Variants in PID1 observed in about 807,000 individuals in gnomAD.
The protein encoded by PID1 is phosphotyrosine interaction domain containing 1.
PID1 carries 10 observed loss-of-function variants against 19.1 expected under a neutral mutation model. That is an observed-to-expected ratio of 0.52 (90% CI 0.32 to 0.89). The LOEUF (loss-of-function observed/expected upper bound fraction) is 0.89, where lower values mean the gene tolerates loss of function less well. Ranked by LOEUF, PID1 falls within the 40% of genes least tolerant of loss-of-function variation. The pLI, the probability that PID1 is intolerant of heterozygous loss-of-function variation, is 0.03. For missense variants in PID1, 248 were observed against 285.3 expected, an observed-to-expected ratio of 0.87 and a Z score of 0.94; for synonymous variants, 130 against 116.0, an observed-to-expected ratio of 1.12 and a Z score of -0.78.
At chr2:229,100,328 C>T (rs369034389) in intron 2 of PID1, among the ~76,000 whole-genome samples, 15 of 152,302 alleles carry the variant, frequency 9.8e-5, no homozygotes, top group African/African-American at 3.4e-4. Context: ...TATACATTAA[C>T]ATTTTAATTC....
At position 229,155,835 on chromosome 2, in the gene PID1, T is replaced by C. The variant is rs747732576; in HGVS notation, c.160A>G (p.Thr54Ala). 2.5e-6 allele frequency: 4 copies of C among 1,612,728 alleles called. No individual in the cohort carries two copies. In the African/African-American group the frequency reaches 5.3e-5, roughly 22 times the overall value. The change falls in exon 2 of 3, where the codon ACT becomes GCT. Residue 54 changes from threonine to alanine, a missense_variant. By Grantham distance (58) the Thr-to-Ala change is moderately conservative. Transcript: ENST00000392055. ...CTTTPLMKTR[T>A]HSGCKVTYLG... ...CCCCATACCTTGCAGCCACTGTGAG[T>C]CCTTGTCTTCATCAGCGGTGTGGTC...
At chr2:229,270,901 C>T in intron 1 of PID1, 113 bp downstream of exon 1, 14 of 934,032 alleles carry the variant, frequency 1.5e-5, no homozygotes, top group Non-Finnish European at 2.0e-5. Flanking sequence ...ATCGATGCGT[C>T]TTACAAGATG....
At chr2:229,116,040 G>A (rs944532396) in intron 2 of PID1, among the ~76,000 whole-genome samples, 3 of 152,070 alleles carry the variant, frequency 2.0e-5, no homozygotes, top group Admixed American at 6.6e-5. Context: ...TGGCTAACAC[G>A]GTAAAACCCC....
chr2:229,199,353 A>G (rs1332445747), intron 1 of PID1, among the ~76,000 whole-genome samples: 1 of 151,950 alleles, frequency 6.6e-6, no homozygotes, highest in East Asian at 1.9e-4. Flanking sequence ...TTTTGTTGGT[A>G]TATTTATTGT....
At chr2:229,052,786 A>G (rs961382337) in intron 2 of PID1, among the ~76,000 whole-genome samples, 1 of 152,204 alleles carries the variant, frequency 6.6e-6, no homozygotes, top group African/African-American at 2.4e-5. Flanking sequence ...AAGGTATTCA[A>G]TAACCATTTC....
chr2:229,155,751 G>T, intron 2 of PID1, 67 bp downstream of exon 2: 1 of 1,375,082 alleles, frequency 7.3e-7, no homozygotes, highest in Non-Finnish European at 1.0e-6. Flanking sequence ...TGAAACATAG[G>T]TCTCAAGCCC....
chr2:229,258,605 G>T (rs1005028210), intron 1 of PID1, among the ~76,000 whole-genome samples: 1 of 152,162 alleles, frequency 6.6e-6, no homozygotes, highest in African/African-American at 2.4e-5. Flanking sequence ...TGCACAATTT[G>T]ATTTGTTTTC....
intron 1 of PID1, among the ~76,000 whole-genome samples, chr2:229,157,345 G>A (rs549444317): frequency 2.6e-5 from 4 of 151,442 alleles, no homozygotes; most frequent in South Asian, 2.1e-4. Flanking sequence ...CAGGAGAATC[G>A]CTTGAACCTG....
chr2:229,121,621 C>T (rs376818988), intron 2 of PID1, among the ~76,000 whole-genome samples: 56 of 152,272 alleles, frequency 3.7e-4, no homozygotes, highest in African/African-American at 1.3e-3. Flanking sequence ...TGACTAACTA[C>T]TATTGGAAAA....
intron 2 of PID1, among the ~76,000 whole-genome samples, chr2:229,114,900 C>G (rs2106152724): frequency 6.6e-6 from 1 of 152,310 alleles, no homozygotes; most frequent in East Asian, 1.9e-4. Context: ...TATCCTGACT[C>G]TTAGTCAATG....
chr2:229,133,920 C>T (rs1689800591), intron 2 of PID1, among the ~76,000 whole-genome samples: 1 of 152,030 alleles, frequency 6.6e-6, no homozygotes, highest in South Asian at 2.1e-4. Flanking sequence ...TCTCCTAATG[C>T]TATCCCTCCC....
chr2:229,187,772 C>T (rs760807718), intron 1 of PID1, among the ~76,000 whole-genome samples: 1 of 152,180 alleles, frequency 6.6e-6, no homozygotes, highest in African/African-American at 2.4e-5. Context: ...CGAATCCACA[C>T]CTCCTAATCT....
At chr2:229,161,240 C>T (rs144128254) in intron 1 of PID1, among the ~76,000 whole-genome samples, 10 of 152,170 alleles carry the variant, frequency 6.6e-5, no homozygotes, top group Admixed American at 3.9e-4. Flanking sequence ...CCTTCCCAAT[C>T]GAAGTCAGCC....
At chr2:229,206,752 CA>C (rs1479478408) in intron 1 of PID1, among the ~76,000 whole-genome samples, 8 of 152,200 alleles carry the variant, frequency 5.3e-5, no homozygotes, top group Non-Finnish European at 1.2e-4. Context: ...CTCTGTCAAC[CA>C]GCACTTCATA....
At chr2:229,173,226 A>G (rs1321745708) in intron 1 of PID1, among the ~76,000 whole-genome samples, 1 of 152,216 alleles carries the variant, frequency 6.6e-6, no homozygotes, top group Non-Finnish European at 1.5e-5. Flanking sequence ...CTACATGGGT[A>G]GGACCTAGCA....
chr2:229,214,877 A>T (rs535752988), intron 1 of PID1, among the ~76,000 whole-genome samples: 1 of 151,082 alleles, frequency 6.6e-6, no homozygotes, highest in African/African-American at 2.4e-5. Context: ...CACACACACA[A>T]ATATATATAA....
intron 2 of PID1, among the ~76,000 whole-genome samples, chr2:229,063,395 G>A (rs1694255407): frequency 6.6e-6 from 1 of 151,980 alleles, no homozygotes; most frequent in Non-Finnish European, 1.5e-5. Context: ...GGTTACTGAG[G>A]AGCATGTTGT....
intron 1 of PID1, among the ~76,000 whole-genome samples, chr2:229,159,536 C>T (rs902067975): frequency 1.3e-5 from 2 of 152,146 alleles, no homozygotes; most frequent in African/African-American, 4.8e-5. Flanking sequence ...ACGGTTCCAG[C>T]CCACCCTTTC....
chr2:229,233,092 G>A (rs1692249850), intron 1 of PID1, among the ~76,000 whole-genome samples: 1 of 152,010 alleles, frequency 6.6e-6, no homozygotes. Context: ...AAGCGCAAGA[G>A]GAGAAGGCAG....
Sources: allele counts gnomAD v4.1 joint callset (sites outside exome capture counted in the v4.1 genomes callset), GRCh38; gene constraint gnomAD v4.1.1; transcripts MANE v1.5; gene names NCBI Gene and HGNC (gene_info 2026-07-23, HGNC 2026-07-21).